RP1: variants seen among roughly 807,000 people sequenced by gnomAD.
RP1 encodes the protein oxygen-regulated protein 1.
RP1 carries 16 observed loss-of-function variants against 14.8 expected under a neutral mutation model. The observed-to-expected ratio is 1.08, with a 90% confidence interval of 0.73 to 1.65. The LOEUF is 1.65. RP1 is among the 40% of genes most tolerant of loss of function. The probability of loss-of-function intolerance (pLI) is 0.00; values close to 1 mark genes in which losing one functional copy is unlikely to be tolerated. For synonymous variants in RP1, 876 were observed against 883.6 expected, an observed-to-expected ratio of 0.99 and a Z score of 0.15; for missense variants, 2,631 against 2,535.0, an observed-to-expected ratio of 1.04 and a Z score of -0.81.
intron 20 of RP1, among the ~76,000 whole-genome samples, chr8:54,755,356 G>T (rs1004055041): frequency 6.6e-6 from 1 of 152,108 alleles, no homozygotes; most frequent in Non-Finnish European, 1.5e-5. Context: ...ATACATAGAA[G>T]AACAACCTTA....
chr8:54,694,484 C>T (rs1438373587), intron 12 of RP1, among the ~76,000 whole-genome samples: 2 of 152,120 alleles, frequency 1.3e-5, no homozygotes, highest in African/African-American at 4.8e-5. Flanking sequence ...TTGATTATTG[C>T]CACAATTTCG....
intron 24 of RP1, among the ~76,000 whole-genome samples, chr8:54,812,101 A>G (rs532783748): frequency 6.6e-6 from 1 of 152,370 alleles, no homozygotes; most frequent in East Asian, 1.9e-4. Context: ...TATAGATGTC[A>G]TCAATACAAT....
chr8:54,600,436 G>A (rs1344433828), intron 1 of RP1, among the ~76,000 whole-genome samples: 1 of 152,222 alleles, frequency 6.6e-6, no homozygotes, highest in Admixed American at 6.5e-5. Flanking sequence ...ACCCTGCAGA[G>A]TGGCGGGGAG....
At chr8:54,856,661 G>T (rs1378381893) in intron 26 of RP1, among the ~76,000 whole-genome samples, 2 of 152,090 alleles carry the variant, frequency 1.3e-5, no homozygotes, top group African/African-American at 2.4e-5. Flanking sequence ...GACCTTATGG[G>T]CTGTTGTGAG....
intron 1 of RP1, among the ~76,000 whole-genome samples, chr8:54,590,948 C>A (rs1201141110): frequency 1.3e-5 from 2 of 152,174 alleles, no homozygotes; most frequent in African/African-American, 4.8e-5. Flanking sequence ...TCACTCATAC[C>A]CAAACCTAAA....
chr8:54,625,110 A>G lies in RP1; in HGVS notation c.1228A>G (p.Ile410Val). 1.2e-6 allele frequency: 2 copies of G among 1,614,180 alleles called. No homozygotes were observed. The highest frequency in any genetic ancestry group is 1.1e-5 in the South Asian group (1 of 91,082). The change falls in exon 4 of 4, where the codon ATT (isoleucine) becomes GTT (valine). Residue 410 changes from isoleucine (I) to valine (V), a missense_variant. By Grantham distance (29) the Ile-to-Val change is conservative. Coordinates refer to ENST00000220676, the MANE Select transcript of RP1 (RefSeq NM_006269.2). ...GGGCAGTTTGGCAGAGGAGATAAACATTCAAATGACAGATCAAGTGGCTGA... is the reference window on the plus strand; with the variant it reads ...GGGCAGTTTGGCAGAGGAGATAAACGTTCAAATGACAGATCAAGTGGCTGA... ...QEGSLAEEIN[I>V]QMTDQVAETC... is the part of the protein sequence containing the mutation.
At chr8:54,671,526 C>G (rs527588185) in intron 7 of RP1, among the ~76,000 whole-genome samples, 1 of 152,038 alleles carries the variant, frequency 6.6e-6, no homozygotes, top group South Asian at 2.1e-4. Context: ...TTTTCTTCAC[C>G]CTTTTATTTT....
intron 1 of RP1, among the ~76,000 whole-genome samples, chr8:54,568,176 G>T (rs1279018451): frequency 6.6e-6 from 1 of 152,142 alleles, no homozygotes; most frequent in Non-Finnish European, 1.5e-5. Context: ...CTTTATTCAT[G>T]AGTCTTGCTG....
At chr8:54,582,656 G>A (rs963942553) in intron 1 of RP1, among the ~76,000 whole-genome samples, 3 of 152,122 alleles carry the variant, frequency 2.0e-5, no homozygotes, top group African/African-American at 7.2e-5. Flanking sequence ...TCTTCCATTT[G>A]TTTGTATCCT....
intron 15 of RP1, among the ~76,000 whole-genome samples, chr8:54,712,414 T>C (rs1447249442): frequency 6.6e-6 from 1 of 152,168 alleles, no homozygotes; most frequent in African/African-American, 2.4e-5. Context: ...TGTGGTGTCC[T>C]AGCTCTTCAC....
chr8:54,825,052 C>T (rs62516280), intron 24 of RP1, among the ~76,000 whole-genome samples: 1 of 151,752 alleles, frequency 6.6e-6, no homozygotes, highest in East Asian at 1.9e-4. Flanking sequence ...TCACTGCAAG[C>T]TCCGCCTCCC....
Position 54,626,911 on chromosome 8 carries a change from G to A in RP1, c.3029G>A (p.Gly1010Glu). 1.2e-6 allele frequency: 2 copies of A among 1,613,814 alleles called. No homozygotes were observed. The highest frequency in any genetic ancestry group is 4.5e-5 in the East Asian group (2 of 44,868). Reference sequence around the variant, plus strand: ...GAAGATCTCCATGAGACACAGGTTGGATCTCTGAATGATGCTTATTTGGTT... The same window carrying A: ...GAAGATCTCCATGAGACACAGGTTGAATCTCTGAATGATGCTTATTTGGTT... ...GEEDLHETQV[G>E]SLNDAYLVPL... The change falls in exon 4 of 4, where the codon GGA becomes GAA. Residue 1010 changes from glycine (G) to glutamate (E), a missense_variant. By Grantham distance (98) the Gly-to-Glu change is moderately conservative (BLOSUM62 -2). Coordinates refer to ENST00000220676, the MANE Select transcript of RP1 (RefSeq NM_006269.2).
chr8:54,654,657 T>G (rs1191558206), intron 5 of RP1, among the ~76,000 whole-genome samples: 1 of 152,178 alleles, frequency 6.6e-6, no homozygotes, highest in Admixed American at 6.5e-5. Context: ...CTGACTTTTT[T>G]TCCTTTTTGA....
chr8:54,786,718 A>G (rs960978197), intron 24 of RP1, among the ~76,000 whole-genome samples: 1 of 152,058 alleles, frequency 6.6e-6, no homozygotes, highest in Non-Finnish European at 1.5e-5. Context: ...TCCGTCTGCC[A>G]TTTCAGAAGT....
chr8:54,748,607 C>A (rs1809283979), intron 19 of RP1, among the ~76,000 whole-genome samples: 1 of 152,180 alleles, frequency 6.6e-6, no homozygotes, highest in African/African-American at 2.4e-5. Flanking sequence ...GTCTGATTTG[C>A]AAGAACACTT....
In RP1 at chr8:54,819,516, G is replaced by A. The variant is rs527582241; in HGVS notation, c.3616-17934G>A. On this transcript the variant is annotated intron_variant, in intron 24 of 28. Transcript: ENST00000637698. ...TCACATTCTCCTGGATGTTCTTGAT[G>A]TTTGTAGATGATTGTTGACGTCTGG... Among the ~76,000 whole-genome samples, 38 of 152,150 alleles carry A rather than the reference G, an allele frequency of 2.5e-4. 1 individual carries two copies. The highest frequency in any genetic ancestry group is 3.4e-3 in the Middle Eastern group (1 of 294).
chr8:54,652,652 C>T lies in RP1; in HGVS notation c.952-128C>T. Reference sequence around the variant, plus strand: ...TTAGTACTCTCTTGTTAGGTGTGCACATGTTTATAATTCTTATGTCTTCTT... The same window carrying T: ...TTAGTACTCTCTTGTTAGGTGTGCATATGTTTATAATTCTTATGTCTTCTT... On this transcript the variant is annotated intron_variant, in intron 4 of 22. Coordinates refer to the RP1 transcript ENST00000636932. The T allele has an allele frequency of 4.6e-6, 3 of 655,476 alleles. No individual in the cohort carries two copies. In the East Asian group the frequency reaches 8.2e-5, roughly 18 times the overall value. 40.6% of individuals were successfully genotyped at this position (655,476 alleles called of 1,614,324 possible).
intron 24 of RP1, among the ~76,000 whole-genome samples, chr8:54,815,076 A>G (rs932268712): frequency 1.3e-5 from 2 of 152,276 alleles, no homozygotes; most frequent in Non-Finnish European, 2.9e-5. Context: ...CAAGTGGTTT[A>G]AGAACTAATT....
intron 7 of RP1, among the ~76,000 whole-genome samples, chr8:54,673,275 A>AG (rs1563343830): frequency 4.6e-5 from 7 of 152,088 alleles, no homozygotes; most frequent in Admixed American, 3.3e-4. Flanking sequence ...TTTTCTTACC[A>AG]TTTTTTAATG....
Sources: gnomAD v4.1 joint callset for allele counts (sites outside exome capture counted in the v4.1 genomes callset) on GRCh38, gnomAD v4.1.1 for gene constraint, MANE v1.5 for transcripts, NCBI Gene and HGNC (gene_info 2026-07-23, HGNC 2026-07-21) for gene names.